Variants in VRK1 observed in about 807,000 individuals in gnomAD.
The protein encoded by VRK1 is VRK serine/threonine kinase 1, also known as serine/threonine-protein kinase VRK1.
In VRK1, 33 loss-of-function variants were observed where a neutral mutation model predicts 57.1. That is an observed-to-expected ratio of 0.58 (90% confidence interval 0.44 to 0.77). VRK1 has a LOEUF of 0.77. Among genes scored for constraint, VRK1 ranks in the 30% least tolerant of loss-of-function variants. VRK1 has a pLI of 0.00. For synonymous variants in VRK1, 137 were observed against 147.8 expected, an observed-to-expected ratio of 0.93 and a Z score of 0.53; for missense variants, 413 against 477.3, an observed-to-expected ratio of 0.87 and a Z score of 1.25.
rs572346306 is a variant in VRK1, at chr14:96,806,267, C to T, written c.-6+8820C>T. Among the ~76,000 whole-genome samples, 4 of 152,326 alleles carry T rather than the reference C, an allele frequency of 2.6e-5. No homozygotes were observed. The East Asian group carries it at 7.7e-4, about 29-fold the overall frequency. Reference sequence around the variant, plus strand: ...TGGATAAAAGGATGTCATCATTAATCCCATCCTCCATGGGTATATAAGAGC... The same window carrying T: ...TGGATAAAAGGATGTCATCATTAATTCCATCCTCCATGGGTATATAAGAGC... On this transcript the variant is annotated intron_variant, in intron 1 of 12. Coordinates refer to ENST00000216639, the MANE Select transcript of VRK1 (RefSeq NM_003384.3).
intron 5 of VRK1, among the ~76,000 whole-genome samples, chr14:96,851,548 CA>C (rs1282713009): frequency 1.3e-5 from 2 of 152,132 alleles, no homozygotes; most frequent in Non-Finnish European, 2.9e-5. Context: ...AATTTTCTTC[CA>C]GTTCAAAAAT....
intron 10 of VRK1, among the ~76,000 whole-genome samples, chr14:96,858,376 C>T (rs1238820104): frequency 6.6e-6 from 1 of 152,220 alleles, no homozygotes; most frequent in Non-Finnish European, 1.5e-5. Flanking sequence ...TTGTAGGCAT[C>T]AGCCACTGCC....
At chr14:96,824,457 A>C (rs1460714148) in intron 1 of VRK1, among the ~76,000 whole-genome samples, 1 of 152,114 alleles carries the variant, frequency 6.6e-6, no homozygotes, top group Non-Finnish European at 1.5e-5. Context: ...TGTCAGCTAG[A>C]TTTCATAGCA....
At chr14:96,829,207 T>A (rs1003728984) in intron 1 of VRK1, among the ~76,000 whole-genome samples, 1 of 121,954 alleles carries the variant, frequency 8.2e-6, no homozygotes. Flanking sequence ...TTTCTTTTAA[T>A]TTTTTTTTTT....
At chr14:96,879,092 T>TC (rs1406295050) in intron 12 of VRK1, among the ~76,000 whole-genome samples, 4 of 152,162 alleles carry the variant, frequency 2.6e-5, no homozygotes, top group Non-Finnish European at 5.9e-5. Flanking sequence ...ACTTTTTTTT[T>TC]CCTACTGCAT....
chr14:96,851,671 G>A (rs1441998838), intron 5 of VRK1, among the ~76,000 whole-genome samples: 1 of 152,084 alleles, frequency 6.6e-6, no homozygotes, highest in Non-Finnish European at 1.5e-5. Context: ...ACATATAAAT[G>A]GGATTTTTGT....
chr14:96,876,794 C>A (rs146116844), intron 12 of VRK1, among the ~76,000 whole-genome samples: 9,291 of 144,704 alleles, frequency 0.064, 336 homozygotes, highest in South Asian at 0.12. Context: ...AAAAAAAACA[C>A]AAAAAAACAA....
At chr14:96,869,166 A>G (rs556993638) in intron 11 of VRK1, among the ~76,000 whole-genome samples, 84 of 152,308 alleles carry the variant, frequency 5.5e-4, no homozygotes, top group African/African-American at 1.9e-3. Flanking sequence ...CTTGCTTATA[A>G]GATTGTTATG....
intron 1 of VRK1, among the ~76,000 whole-genome samples, chr14:96,805,425 A>G (rs925962230): frequency 6.6e-6 from 1 of 152,192 alleles, no homozygotes; most frequent in Non-Finnish European, 1.5e-5. Flanking sequence ...CTCGAGTCCT[A>G]TTAAATTCAT....
At chr14:96,864,882 T>A (rs894400581) in intron 11 of VRK1, among the ~76,000 whole-genome samples, 1 of 151,548 alleles carries the variant, frequency 6.6e-6, no homozygotes, top group Non-Finnish European at 1.5e-5. Flanking sequence ...TGATAATCCT[T>A]TTTTTTTGGT....
At chr14:96,833,713 T>A in intron 2 of VRK1, 82 bp downstream of exon 2, 2 of 1,590,560 alleles carry the variant, frequency 1.3e-6, no homozygotes, top group Non-Finnish European at 1.7e-6. Context: ...TATGAGCTGT[T>A]ATGGGATGTT....
intron 7 of VRK1, among the ~76,000 whole-genome samples, chr14:96,854,082 A>G (rs1888056337): frequency 6.6e-6 from 1 of 152,078 alleles, no homozygotes; most frequent in Admixed American, 6.5e-5. Flanking sequence ...AATCTATATA[A>G]GTATAAAAGA....
At chr14:96,839,562 C>T (rs1054977483) in intron 3 of VRK1, among the ~76,000 whole-genome samples, 4 of 152,090 alleles carry the variant, frequency 2.6e-5, no homozygotes, top group Non-Finnish European at 5.9e-5. Flanking sequence ...GTAGATGTGA[C>T]TTATAGTTTC....
At chr14:96,832,246 GGCTCAAAACTGA>G (rs1352651609) in intron 1 of VRK1, among the ~76,000 whole-genome samples, 1 of 151,996 alleles carries the variant, frequency 6.6e-6, no homozygotes, top group African/African-American at 2.4e-5. Flanking sequence ...AGCATGTCTA[GGCTCAAAACTGA>G]GCTCAAAACT....
intron 5 of VRK1, 151 bp downstream of exon 5, chr14:96,847,495 G>T: frequency 1.4e-6 from 1 of 693,898 alleles, no homozygotes; most frequent in Non-Finnish European, 2.6e-6. Flanking sequence ...GGAATAAGAT[G>T]TTATCTCTGT....
chr14:96,842,496 T>C (rs998821976), intron 3 of VRK1, among the ~76,000 whole-genome samples: 1 of 152,236 alleles, frequency 6.6e-6, no homozygotes, highest in Non-Finnish European at 1.5e-5. Flanking sequence ...CAAAGTTCTA[T>C]ATATAGTATG....
intron 5 of VRK1, among the ~76,000 whole-genome samples, chr14:96,850,076 ATTTC>A (rs1887888590): frequency 6.6e-6 from 1 of 152,152 alleles, no homozygotes; most frequent in Non-Finnish European, 1.5e-5. Context: ...CTCCCAGCCC[ATTTC>A]TTCTATAAAA....
intron 3 of VRK1, 124 bp from the exon 4 acceptor site, chr14:96,845,971 T>C (rs1887668463): frequency 5.8e-6 from 5 of 868,506 alleles, no homozygotes; most frequent in Non-Finnish European, 9.5e-6. Flanking sequence ...AACACAGTTA[T>C]AAACTTAAGT....
chr14:96,804,214 C>T (rs1885782182), intron 1 of VRK1, among the ~76,000 whole-genome samples: 1 of 152,146 alleles, frequency 6.6e-6, no homozygotes, highest in South Asian at 2.1e-4. Context: ...GATCTTGGTA[C>T]ATTTTTCTTT....
Sources: gnomAD v4.1 joint callset for allele counts (sites outside exome capture counted in the v4.1 genomes callset) on GRCh38, gnomAD v4.1.1 for gene constraint, MANE v1.5 for transcripts, NCBI Gene and HGNC (gene_info 2026-07-23, HGNC 2026-07-21) for gene names.